The following BBS7 variants were observed in gnomAD, a reference collection of about 807,000 sequenced individuals.
BBS7 encodes Bardet-Biedl syndrome 7, also known as BBSome complex member BBS7.
A neutral mutation model predicts 90.3 loss-of-function variants in BBS7; 50 were observed. That is an observed-to-expected ratio of 0.55 (90% CI 0.44 to 0.70). The LOEUF is 0.70. BBS7 is among the 30% of genes least tolerant of loss of function. BBS7 has a pLI of 0.00. For synonymous variants in BBS7, 235 were observed against 287.4 expected, an observed-to-expected ratio of 0.82 and a Z score of 1.85; for missense variants, 729 against 838.9, an observed-to-expected ratio of 0.87 and a Z score of 1.62.
chr4:121,854,345 T>G (rs375439072), intron 7 of BBS7, among the ~76,000 whole-genome samples: 22 of 152,314 alleles, frequency 1.4e-4, no homozygotes, highest in African/African-American at 5.3e-4. Flanking sequence ...GAATATTCTC[T>G]GACCCACTGC....
At chr4:121,863,635 A>G (rs1727104729) in intron 2 of BBS7, among the ~76,000 whole-genome samples, 1 of 152,338 alleles carries the variant, frequency 6.6e-6, no homozygotes, top group South Asian at 2.1e-4. Flanking sequence ...AAATGCCTAC[A>G]AAGTAATTTT....
Position 121,870,354 on chromosome 4 carries a change from A to T in BBS7, c.-41T>A. 1 of 1,613,520 alleles carries T rather than the reference A, an allele frequency of 6.2e-7. No homozygotes were observed. Among genetic ancestry groups the T allele is most frequent in the Non-Finnish European group, 8.5e-7 (1 of 1,179,440 alleles). On this transcript the variant is annotated 5_prime_UTR_variant, in exon 1 of 19. Coordinates refer to ENST00000264499, the MANE Select transcript of BBS7 (RefSeq NM_176824.3). ...GGGCTAAGCAGCGCCGGACAAGAAC[A>T]GGAGGGACAGAGGCTTCGGGCCCGC... is the stretch of plus-strand genomic sequence containing the variant.
chr4:121,870,274 T>G lies in BBS7; in HGVS notation c.36+4A>C. The G allele has an allele frequency of 1.9e-6, 3 of 1,614,146 alleles. No individual in the cohort carries two copies. The highest frequency in any genetic ancestry group is 2.2e-5 in the South Asian group (2 of 91,090). On this transcript the variant is annotated splice_donor_region_variant and intron_variant, in intron 1 of 18. Transcript: ENST00000264499. ...GCGGCGCCCGCCCTATCCCTTGGGT[T>G]TACCTGCAGATAATCCATTCGGTTT...
At chr4:121,832,876 TAC>T (rs1725266365) in intron 15 of BBS7, among the ~76,000 whole-genome samples, 1 of 152,230 alleles carries the variant, frequency 6.6e-6, no homozygotes, top group East Asian at 1.9e-4. Context: ...AATAAAATCT[TAC>T]AGTTTTCTTC....
intron 18 of BBS7, 194 bp downstream of exon 18, chr4:121,827,947 GAATTA>G (rs1724985129): frequency 2.9e-6 from 4 of 1,371,664 alleles, no homozygotes; most frequent in Middle Eastern, 2.1e-4. Flanking sequence ...TCAAGTAAAA[GAATTA>G]AATATTAAAA....
chr4:121,859,672 A>G (rs989144014), intron 4 of BBS7, among the ~76,000 whole-genome samples: 2 of 152,136 alleles, frequency 1.3e-5, no homozygotes, highest in African/African-American at 4.8e-5. Context: ...ACTGCAACTC[A>G]GTTTTTTGCT....
Position 121,835,222 on chromosome 4 carries a change from G to A in BBS7, c.1433C>T (p.Pro478Leu). Reference protein sequence around the residue: ...LQAYVTPRIQPKTCQVRQYHI... With the variant: ...LQAYVTPRIQLKTCQVRQYHI... ...GTACTGGCGGACCTGACAGGTTTTGGGTTGAATTCTTGGAGTCACATATGC... is the reference window on the plus strand; with the variant it reads ...GTACTGGCGGACCTGACAGGTTTTGAGTTGAATTCTTGGAGTCACATATGC... Residue 478 changes from proline to leucine, a missense_variant, in exon 14 of 19, where the codon CCC (proline) becomes CTC (leucine). Transcript: ENST00000264499. The A allele has an allele frequency of 6.2e-7, 1 of 1,613,784 alleles. No individual in the cohort carries two copies. The highest frequency in any genetic ancestry group is 8.5e-7 in the Non-Finnish European group (1 of 1,179,824).
At chr4:121,835,034 A>G (rs1725381819) in intron 14 of BBS7, 110 bp downstream of exon 14, 2 of 1,099,326 alleles carry the variant, frequency 1.8e-6, no homozygotes, top group Non-Finnish European at 2.6e-6. Context: ...CTGTTTATTT[A>G]ATTTTTAAAA....
At chr4:121,834,206 G>A (rs1318509598) in intron 14 of BBS7, among the ~76,000 whole-genome samples, 1 of 152,150 alleles carries the variant, frequency 6.6e-6, no homozygotes, top group Non-Finnish European at 1.5e-5. Context: ...GTCATTTGCA[G>A]ATGAAAAAAC....
intron 1 of BBS7, among the ~76,000 whole-genome samples, chr4:121,869,345 G>C (rs1421982496): frequency 2.0e-5 from 3 of 152,168 alleles, no homozygotes; most frequent in African/African-American, 4.8e-5. Context: ...AAATACACCA[G>C]TTCTGGAGTC....
At chr4:121,868,503 G>A (rs527744134) in intron 1 of BBS7, among the ~76,000 whole-genome samples, 4 of 151,724 alleles carry the variant, frequency 2.6e-5, no homozygotes, top group African/African-American at 9.7e-5. Flanking sequence ...GCAACACAGG[G>A]AGACTCTGTC....
At chr4:121,850,667 A>G (rs1293645709) in intron 8 of BBS7, among the ~76,000 whole-genome samples, 1 of 152,196 alleles carries the variant, frequency 6.6e-6, no homozygotes, top group Non-Finnish European at 1.5e-5. Context: ...CACTGGCAAC[A>G]CACTAATTGG....
Position 121,835,225 on chromosome 4 carries a change from T to C in BBS7, c.1430A>G (p.Gln477Arg). 4 of 1,613,904 alleles carry C rather than the reference T, an allele frequency of 2.5e-6. No individual in the cohort carries two copies. The highest frequency in any genetic ancestry group is 3.4e-6 in the Non-Finnish European group (4 of 1,179,868). Residue 477 changes from glutamine to arginine, a missense_variant, in exon 14 of 19, where the codon CAA becomes CGA. Physicochemically the swap from Gln to Arg is conservative, Grantham distance 43. Coordinates refer to ENST00000264499, the MANE Select transcript of BBS7 (RefSeq NM_176824.3). Reference protein sequence around the residue: ...TLQAYVTPRIQPKTCQVRQYH... With the variant: ...TLQAYVTPRIRPKTCQVRQYH... ...CTGGCGGACCTGACAGGTTTTGGGT[T>C]GAATTCTTGGAGTCACATATGCTTG...
intron 13 of BBS7, among the ~76,000 whole-genome samples, chr4:121,837,995 T>C (rs889594513): frequency 6.6e-6 from 1 of 151,466 alleles, no homozygotes; most frequent in Non-Finnish European, 1.5e-5. Flanking sequence ...TCCCAGCTAC[T>C]AGGGAGGCTG....
At chr4:121,832,636 A>T (rs538383814) in intron 15 of BBS7, among the ~76,000 whole-genome samples, 66 of 152,334 alleles carry the variant, frequency 4.3e-4, no homozygotes, top group Middle Eastern at 3.4e-3. Flanking sequence ...AGCGTATAGA[A>T]CAATATAATG....
intron 2 of BBS7, 90 bp downstream of exon 2, chr4:121,867,891 A>T: frequency 8.8e-7 from 1 of 1,138,342 alleles, no homozygotes; most frequent in Non-Finnish European, 1.3e-6. Flanking sequence ...TAGCATTTTT[A>T]AGAGAATAAC....
chr4:121,824,383 ATTAT>A lies in BBS7; in HGVS notation c.*1473_*1476del, dbSNP rs1724810606. 6.6e-6 allele frequency: 1 copy of A among 152,214 alleles called. No homozygotes were observed. Among genetic ancestry groups the A allele is most frequent in the Admixed American group, 6.5e-5 (1 of 15,290 alleles). The allele number at this position is 152,214 out of a possible 1,614,324, so 9.4% of individuals were successfully genotyped here. On this transcript the variant is annotated 3_prime_UTR_variant, in exon 19 of 19. Coordinates refer to ENST00000264499, the MANE Select transcript of BBS7 (RefSeq NM_176824.3). The surrounding 1 kb of genome is among the most constrained non-coding windows in gnomAD (Gnocchi z 4.1). ...TGTTAGGATTAAATAATGTGCATAA[ATTAT>A]TTAACACGGAGCTCACATAGTAATA...
rs934087707 is a variant in BBS7 at position 121,870,464 on chromosome 4, G to T, written c.-151C>A. The T allele has an allele frequency of 7.5e-6, 6 of 796,054 alleles. No individual in the cohort carries two copies. Among genetic ancestry groups the T allele is most frequent in the South Asian group, 4.6e-5 (3 of 65,742 alleles). The allele number at this position is 796,054 out of a possible 1,614,324, so 49.3% of individuals were successfully genotyped here. A position where few individuals can be genotyped will look rare whatever the true frequency, so the allele number is the denominator to read the frequency against. On this transcript the variant is annotated 5_prime_UTR_variant, in exon 1 of 19. Coordinates refer to ENST00000264499, the MANE Select transcript of BBS7 (RefSeq NM_176824.3). ...CGCCTAGGTCCTGGGCTGCACAGGCGGGGCGACAGGGCAGTGGCGTCCTGC... is the reference window on the plus strand; with the variant it reads ...CGCCTAGGTCCTGGGCTGCACAGGCTGGGCGACAGGGCAGTGGCGTCCTGC...
chr4:121,870,288 T>C lies in BBS7; in HGVS notation c.26A>G (p.Asp9Gly), dbSNP rs1727515177. MDLILNRM[D>G]YLQVGVTSQK... is the part of the protein sequence containing the mutation. ...ATCCCTTGGGTTTACCTGCAGATAA[T>C]CCATTCGGTTTAAAATCAGATCCAT... Residue 9 changes from aspartate (D) to glycine (G), a missense_variant, in exon 1 of 19, where the codon GAT becomes GGT. By Grantham distance (94) the Asp-to-Gly change is moderately conservative (BLOSUM62 -1). Transcript: ENST00000264499. The C allele has an allele frequency of 6.2e-7, 1 of 1,613,906 alleles. No individual in the cohort carries two copies. Among genetic ancestry groups the C allele is most frequent in the Non-Finnish European group, 8.5e-7 (1 of 1,179,988 alleles).
Sources: allele counts gnomAD v4.1 joint callset (sites outside exome capture counted in the v4.1 genomes callset), GRCh38; gene constraint gnomAD v4.1.1; non-coding constraint Gnocchi (gnomAD v3.1); transcripts MANE v1.5; gene names NCBI Gene and HGNC (gene_info 2026-07-23, HGNC 2026-07-21).